PHACTR4: variants seen among roughly 807,000 people sequenced by gnomAD.
PHACTR4 encodes the protein phosphatase and actin regulator 4, also known as protein phosphatase 1, regulatory subunit 124.
Under a neutral mutation model 72.7 loss-of-function variants are expected in PHACTR4, and 51 were observed. The ratio of observed to expected loss-of-function variants is 0.70; its 90% CI spans 0.56 to 0.89. The LOEUF is 0.89. PHACTR4 is among the 40% of genes least tolerant of loss of function. The probability of loss-of-function intolerance (pLI) is 0.00; values close to 1 mark genes in which losing one functional copy is unlikely to be tolerated. For missense variants in PHACTR4, 731 were observed against 861.8 expected, an observed-to-expected ratio of 0.85 and a Z score of 1.90; for synonymous variants, 255 against 302.5, an observed-to-expected ratio of 0.84 and a Z score of 1.63.
intron 2 of PHACTR4, among the ~76,000 whole-genome samples, chr1:28,445,486 CT>C (rs149709657): frequency 2.0e-5 from 3 of 150,592 alleles, no homozygotes. Flanking sequence ...TTTTACCTCT[CT>C]TTTTTTTTCC....
In PHACTR4 at chr1:28,411,015, T is replaced by C. The variant is rs190823465; in HGVS notation, c.16+3552T>C. Among the ~76,000 whole-genome samples the C allele has an allele frequency of 1.1e-4, 16 of 151,760 alleles. No homozygotes were observed. The East Asian group carries it at 1.7e-3, about 17-fold the overall frequency. ...GAGCCACCATGCCCGGCTGAGATTA[T>C]TTTTTATTTTTATTTTTTTGGTTTG... On this transcript the variant is annotated intron_variant, in intron 2 of 13. Coordinates refer to ENST00000373839, the MANE Select transcript of PHACTR4 (RefSeq NM_001048183.3).
At chr1:28,434,067 T>C in intron 2 of PHACTR4, among the ~76,000 whole-genome samples, 1 of 152,146 alleles carries the variant, frequency 6.6e-6, no homozygotes, top group Non-Finnish European at 1.5e-5. Flanking sequence ...CGTGAGCCAC[T>C]GCACCTGTCT....
chr1:28,436,244 G>A (rs1656626535), intron 2 of PHACTR4, among the ~76,000 whole-genome samples: 1 of 151,938 alleles, frequency 6.6e-6, no homozygotes, highest in African/African-American at 2.4e-5. Context: ...CCATTTTTTG[G>A]TAGCTGTCTT....
intron 2 of PHACTR4, among the ~76,000 whole-genome samples, chr1:28,432,367 C>T (rs960346397): frequency 1.5e-5 from 2 of 135,612 alleles, no homozygotes; most frequent in African/African-American, 2.9e-5. Flanking sequence ...GGATCTCTCT[C>T]TCTCTTTTTT....
chr1:28,455,184 C>CTTTTTG (rs1427063068), intron 2 of PHACTR4, among the ~76,000 whole-genome samples: 1 of 128,066 alleles, frequency 7.8e-6, no homozygotes, highest in Non-Finnish European at 1.6e-5. Context: ...TTTTCTTTTT[C>CTTTTTG]TTTTTCTTTC....
At chr1:28,449,659 C>T (rs1020146439) in intron 2 of PHACTR4, among the ~76,000 whole-genome samples, 2 of 151,962 alleles carry the variant, frequency 1.3e-5, no homozygotes, top group Admixed American at 1.3e-4. Flanking sequence ...TGAGACCAGC[C>T]TGGCCAACAT....
intron 1 of PHACTR4, among the ~76,000 whole-genome samples, chr1:28,405,419 C>G (rs1654249337): frequency 1.3e-5 from 2 of 151,860 alleles, no homozygotes; most frequent in Non-Finnish European, 2.9e-5. Context: ...CTCCGACTCC[C>G]AGGTTCAAGC....
At chr1:28,489,279 C>T in intron 10 of PHACTR4, 54 bp downstream of exon 10, 3 of 1,450,066 alleles carry the variant, frequency 2.1e-6, no homozygotes, top group Non-Finnish European at 2.9e-6. Flanking sequence ...ATGTTTCTGA[C>T]TTTAATATAC....
chr1:28,468,490 G>C (rs1024390325), intron 6 of PHACTR4, among the ~76,000 whole-genome samples: 28 of 152,170 alleles, frequency 1.8e-4, no homozygotes, highest in African/African-American at 6.8e-4. Flanking sequence ...TACTCGGGAG[G>C]CTGAAGCAGG....
In PHACTR4 at chr1:28,496,710, G is replaced by C; in HGVS notation, c.*161G>C. 7 of 813,876 alleles carry C rather than the reference G, an allele frequency of 8.6e-6. No individual in the cohort carries two copies. The highest frequency in any genetic ancestry group is 2.3e-4 in the Middle Eastern group (1 of 4,434). 50.4% of individuals were successfully genotyped at this position (813,876 alleles called of 1,614,324 possible). On this transcript the variant is annotated 3_prime_UTR_variant, in exon 14 of 14. Transcript: ENST00000373839. Reference sequence around the variant, plus strand: ...TTGAATGTAGCATTTCACTGGAACAGAGTCTTATGTGCTGCACCGGGGGCA... The same window carrying C: ...TTGAATGTAGCATTTCACTGGAACACAGTCTTATGTGCTGCACCGGGGGCA...
At chr1:28,476,008 A>C in intron 7 of PHACTR4, 99 bp from the exon 8 acceptor site, 2 of 1,189,140 alleles carry the variant, frequency 1.7e-6, no homozygotes, top group Non-Finnish European at 2.3e-6. Context: ...GATTACAGCC[A>C]TGAGCCACCA....
At chr1:28,424,995 G>A (rs751021992) in intron 2 of PHACTR4, among the ~76,000 whole-genome samples, 2 of 152,028 alleles carry the variant, frequency 1.3e-5, no homozygotes, top group Non-Finnish European at 2.9e-5. Flanking sequence ...CATTTTCACT[G>A]TTGGTCAGGC....
In PHACTR4 at chr1:28,491,065, A is replaced by G. The variant is rs528797315; in HGVS notation, c.1878+53A>G. On this transcript the variant is annotated intron_variant, in intron 11 of 13. Transcript: ENST00000373839. ...TATATGTGTTATATTTGGATGGCCT[A>G]TTTGATTGGAAATGAATTCACAGCT... The G allele has an allele frequency of 1.7e-4, 256 of 1,548,440 alleles. 3 individuals carry two copies. In the South Asian group the frequency reaches 2.8e-3, roughly 17 times the overall value.
At chr1:28,492,551 C>A (rs1314647697) in intron 12 of PHACTR4, among the ~76,000 whole-genome samples, 2 of 147,260 alleles carry the variant, frequency 1.4e-5, no homozygotes, top group African/African-American at 5.0e-5. Context: ...CTCTTGAGGT[C>A]AGGAGTTCAA....
intron 2 of PHACTR4, among the ~76,000 whole-genome samples, chr1:28,413,321 C>G (rs775247372): frequency 6.6e-6 from 1 of 152,126 alleles, no homozygotes; most frequent in African/African-American, 2.4e-5. Context: ...TTCAATATAT[C>G]TCTTGAGTCA....
intron 1 of PHACTR4, among the ~76,000 whole-genome samples, chr1:28,397,781 C>T (rs1318569452): frequency 6.6e-6 from 1 of 151,644 alleles, no homozygotes; most frequent in Non-Finnish European, 1.5e-5. Flanking sequence ...CTGCAACCTC[C>T]ACCTCCTGGG....
At chr1:28,488,422 G>A (rs187619231) in intron 9 of PHACTR4, among the ~76,000 whole-genome samples, 81 of 152,298 alleles carry the variant, frequency 5.3e-4, no homozygotes, top group African/African-American at 1.6e-3. Flanking sequence ...TCATGAACCC[G>A]GGAGGCGGAG....
At chr1:28,394,002 C>T (rs374659922) in intron 1 of PHACTR4, among the ~76,000 whole-genome samples, 3 of 152,060 alleles carry the variant, frequency 2.0e-5, no homozygotes, top group African/African-American at 4.8e-5. Context: ...TGTGAGCCAC[C>T]TCACCCAGCC....
intron 7 of PHACTR4, among the ~76,000 whole-genome samples, chr1:28,474,728 A>C (rs1659811542): frequency 6.6e-6 from 1 of 150,752 alleles, no homozygotes; most frequent in Non-Finnish European, 1.5e-5. Context: ...TTTTTAGTGG[A>C]GATGGGGTTT....
Sources: gnomAD v4.1 joint callset for allele counts (sites outside exome capture counted in the v4.1 genomes callset) on GRCh38, gnomAD v4.1.1 for gene constraint, MANE v1.5 for transcripts, NCBI Gene and HGNC (gene_info 2026-07-23, HGNC 2026-07-21) for gene names.